Variants in NUP155 observed in about 807,000 individuals in gnomAD.
NUP155 encodes nucleoporin 155, also known as nuclear pore complex protein Nup155.
In NUP155, 71 loss-of-function variants were observed where a neutral mutation model predicts 180.4. The observed-to-expected ratio is 0.39, with a 90% CI of 0.33 to 0.48. The LOEUF (loss-of-function observed/expected upper bound fraction) is 0.48, where lower values mean the gene tolerates loss of function less well. Among genes scored for constraint, NUP155 ranks in the 20% least tolerant of loss-of-function variants. The pLI, the probability that NUP155 is intolerant of heterozygous loss-of-function variation, is 0.91. For missense variants in NUP155, 1,553 were observed against 1,648.9 expected (o/e 0.94, Z 1.01); for synonymous variants, 582 against 559.5 (o/e 1.04, Z -0.57).
rs115783846 is a variant in NUP155 at position 37,305,682 on chromosome 5, A to G, written c.2904-472T>C. Reference sequence around the variant, plus strand: ...GGGTGACAGCAAGACCCTGTCTCAAAAAACAAACGAACAAAAAACAAAACA... The same window carrying G: ...GGGTGACAGCAAGACCCTGTCTCAAGAAACAAACGAACAAAAAACAAAACA... On this transcript the variant is annotated intron_variant, in intron 25 of 34. Transcript: ENST00000231498. Among the ~76,000 whole-genome samples, 897 of 152,192 alleles carry G rather than the reference A, an allele frequency of 5.9e-3. 8 individuals carry two copies. The highest frequency in any genetic ancestry group is 0.02 in the African/African-American group (823 of 41,542).
Position 37,349,139 on chromosome 5 carries a change from G to T in NUP155, c.903+33C>A. ...CTTCCTTAAAAATAAGGATTTATTT[G>T]ACTCTTAATGGTATAATAATATTAA... On this transcript the variant is annotated intron_variant, in intron 8 of 34. Transcript: ENST00000231498. 8.4e-6 allele frequency: 4 copies of T among 476,370 alleles called. No individual in the cohort carries two copies. The South Asian group carries it at 1.4e-4, about 16-fold the overall frequency. 29.5% of individuals were successfully genotyped at this position (476,370 alleles called of 1,614,324 possible).
chr5:37,345,616 T>C (rs1206025321), intron 9 of NUP155, among the ~76,000 whole-genome samples: 1 of 151,036 alleles, frequency 6.6e-6, no homozygotes, highest in Non-Finnish European at 1.5e-5. Context: ...AAAGAGTGTA[T>C]TAGTTTTGCC....
At chr5:37,296,177 G>A (rs1305198960) in intron 32 of NUP155, among the ~76,000 whole-genome samples, 5 of 152,088 alleles carry the variant, frequency 3.3e-5, no homozygotes, top group African/African-American at 4.8e-5. Context: ...TGGGAGGTGT[G>A]CCCAACAGCT....
chr5:37,314,472 ATGT>A (rs1743749006), intron 21 of NUP155, 144 bp from the exon 22 acceptor site: 1 of 649,550 alleles, frequency 1.5e-6, no homozygotes, highest in African/African-American at 1.8e-5. Context: ...AGTAGTATTT[ATGT>A]TATTATCTTC....
At chr5:37,368,627 C>T (rs1322709326) in intron 1 of NUP155, among the ~76,000 whole-genome samples, 1 of 151,916 alleles carries the variant, frequency 6.6e-6, no homozygotes, top group African/African-American at 2.4e-5. Flanking sequence ...CAAGACCAAC[C>T]TGGCCAACAC....
At chr5:37,365,752 TACACACACACACAC>T (rs372031424) in intron 1 of NUP155, among the ~76,000 whole-genome samples, 2 of 37,890 alleles carry the variant, frequency 5.3e-5, no homozygotes, top group African/African-American at 1.1e-4. Flanking sequence ...TATATATATA[TACACACACACACAC>T]ACACACACAC....
intron 4 of NUP155, among the ~76,000 whole-genome samples, chr5:37,356,512 G>A (rs777503219): frequency 4.6e-5 from 7 of 151,704 alleles, no homozygotes; most frequent in Non-Finnish European, 7.4e-5. Context: ...GGTGACATGC[G>A]TTTATAATCC....
At position 37,291,986 on chromosome 5, in the gene NUP155, G is replaced by A. The variant is rs1303531202; in HGVS notation, c.4090C>T (p.Leu1364Phe). Reference protein sequence around the residue: ...LDAVCGYLVELQSMSSSVAVQ... With the variant: ...LDAVCGYLVEFQSMSSSVAVQ... ...GCTACTGACGAGCTCATAGACTGGA[G>A]CTCAACAAGGTAACCACAAACAGCA... Residue 1364 changes from leucine to phenylalanine, a missense_variant, in exon 35 of 35, where the codon CTC becomes TTC. Coordinates refer to ENST00000231498, the MANE Select transcript of NUP155 (RefSeq NM_153485.3). 1 of 1,614,004 alleles carries A rather than the reference G, an allele frequency of 6.2e-7. No homozygotes were observed. The highest frequency in any genetic ancestry group is 8.5e-7 in the Non-Finnish European group (1 of 1,179,872).
At chr5:37,326,855 T>C (rs1421512986) in intron 18 of NUP155, among the ~76,000 whole-genome samples, 2 of 152,196 alleles carry the variant, frequency 1.3e-5, no homozygotes, top group Non-Finnish European at 2.9e-5. Flanking sequence ...TAAGTAGATA[T>C]ACAGTTGACC....
chr5:37,346,725 G>T (rs1454616794), intron 9 of NUP155, among the ~76,000 whole-genome samples: 1 of 152,034 alleles, frequency 6.6e-6, no homozygotes, highest in Non-Finnish European at 1.5e-5. Flanking sequence ...AAGGTAGTTG[G>T]GATATGTGCA....
chr5:37,293,093 T>C, intron 33 of NUP155, 108 bp from the exon 34 acceptor site: 2 of 749,914 alleles, frequency 2.7e-6, no homozygotes, highest in Non-Finnish European at 4.7e-6. Flanking sequence ...TTATCGCTAT[T>C]AAAAAGCATT....
chr5:37,330,794 T>A (rs1024937395), intron 14 of NUP155, among the ~76,000 whole-genome samples: 2 of 152,190 alleles, frequency 1.3e-5, no homozygotes, highest in African/African-American at 4.8e-5. Context: ...GTGCTTTTAA[T>A]GAAAAGGCAT....
intron 12 of NUP155, 139 bp downstream of exon 12, chr5:37,337,679 A>G (rs1745422411): frequency 1.7e-6 from 1 of 596,610 alleles, no homozygotes; most frequent in South Asian, 2.3e-5. Context: ...AATTGACAGG[A>G]TAATTTCTTT....
chr5:37,351,393 T>A, intron 5 of NUP155, 37 bp from the exon 6 acceptor site: 1 of 1,401,944 alleles, frequency 7.1e-7, no homozygotes, highest in Non-Finnish European at 1.0e-6. Flanking sequence ...GTTTATTAGC[T>A]ACTCCACAGT....
chr5:37,292,104 CCCA>C, intron 34 of NUP155, 66 bp from the exon 35 acceptor site: 1 of 1,500,628 alleles, frequency 6.7e-7, no homozygotes, highest in Non-Finnish European at 9.3e-7. Flanking sequence ...GGACTTCTTC[CCCA>C]CCAACTTCTG....
At position 37,308,650 on chromosome 5, in the gene NUP155, G is replaced by A. The variant is rs193052432; in HGVS notation, c.2767+479C>T. On this transcript the variant is annotated intron_variant, in intron 24 of 34. Coordinates refer to ENST00000231498, the MANE Select transcript of NUP155 (RefSeq NM_153485.3). ...GCAGAGCTTGCAGTGAGCTGAGATC[G>A]CACCACTGCACTTCAGCCTGGGTGA... Among the ~76,000 whole-genome samples the A allele has an allele frequency of 2.8e-3, 418 of 151,894 alleles. 2 individuals are homozygous for A. Among genetic ancestry groups the A allele is most frequent in the African/African-American group, 9.6e-3 (399 of 41,432 alleles).
At chr5:37,368,126 G>C (rs899616908) in intron 1 of NUP155, among the ~76,000 whole-genome samples, 1 of 150,950 alleles carries the variant, frequency 6.6e-6, no homozygotes, top group Non-Finnish European at 1.5e-5. Context: ...ACTCAGGCTG[G>C]TCTCAAACTC....
intron 4 of NUP155, among the ~76,000 whole-genome samples, chr5:37,353,634 G>C (rs1483757509): frequency 6.6e-6 from 1 of 152,062 alleles, no homozygotes; most frequent in Non-Finnish European, 1.5e-5. Context: ...GATGCATGCT[G>C]TAACACAGAT....
intron 4 of NUP155, among the ~76,000 whole-genome samples, chr5:37,355,929 A>G (rs934468103): frequency 1.3e-5 from 2 of 151,834 alleles, no homozygotes; most frequent in African/African-American, 4.8e-5. Flanking sequence ...AGTAACTCTG[A>G]TAAGAGATTT....
Sources: allele counts gnomAD v4.1 joint callset (sites outside exome capture counted in the v4.1 genomes callset), GRCh38; gene constraint gnomAD v4.1.1; transcripts MANE v1.5; gene names NCBI Gene and HGNC (gene_info 2026-07-23, HGNC 2026-07-21).